Variants in POLR1A observed in about 807,000 individuals in gnomAD.
The protein encoded by POLR1A is RNA polymerase I subunit A.
Under a neutral mutation model 205.3 loss-of-function variants are expected in POLR1A, and 84 were observed. The ratio of observed to expected loss-of-function variants is 0.41; its 90% CI spans 0.34 to 0.49. The LOEUF is 0.49. Among genes scored for constraint, POLR1A ranks in the 20% least tolerant of loss-of-function variants. POLR1A has a pLI of 0.22. For synonymous variants in POLR1A, 799 were observed against 863.7 expected (o/e 0.93, Z 1.31); for missense variants, 1,645 against 2,204.5 (o/e 0.75, Z 5.08).
In POLR1A at chr2:86,105,769, A is replaced by G; in HGVS notation, c.8T>C (p.Ile3Thr). The change falls in exon 1 of 34, where the codon ATC (isoleucine) becomes ACC (threonine). Residue 3 changes from isoleucine to threonine, a missense_variant. This residue lies in a region of POLR1A where 330 missense variants were observed against 375.6 expected (regional missense o/e 0.88). Transcript: ENST00000263857. ...CCGCCGCCAGGGCATGTTCTTGGAG[A>G]TCAACATCCTCCAGGTCCGTTTTGA... Reference protein sequence around the residue: MLISKNMPWRRLQ... With the variant: MLTSKNMPWRRLQ... 1.2e-6 allele frequency: 2 copies of G among 1,613,730 alleles called. No homozygotes were observed. Among genetic ancestry groups the G allele is most frequent in the South Asian group, 1.1e-5 (1 of 91,074 alleles).
intron 14 of POLR1A, among the ~76,000 whole-genome samples, chr2:86,058,420 T>A (rs1274394992): frequency 7.4e-6 from 1 of 134,750 alleles, no homozygotes; most frequent in Non-Finnish European, 1.5e-5. Context: ...TTTTTTTTTT[T>A]AAATAGAGAT....
intron 1 of POLR1A, among the ~76,000 whole-genome samples, chr2:86,101,383 T>G (rs1673819361): frequency 6.6e-6 from 1 of 152,194 alleles, no homozygotes; most frequent in Non-Finnish European, 1.5e-5. Context: ...GGAACTAAGC[T>G]GCTCAGCTCT....
chr2:86,041,370 C>T (rs1371217342), intron 24 of POLR1A, among the ~76,000 whole-genome samples: 1 of 104,222 alleles, frequency 9.6e-6, no homozygotes, highest in Non-Finnish European at 2.1e-5. Context: ...TGTGTGCGCG[C>T]GCGCGCTGAG....
chr2:86,068,868 T>C (rs1673129202), intron 13 of POLR1A, among the ~76,000 whole-genome samples: 1 of 152,300 alleles, frequency 6.6e-6, no homozygotes, highest in South Asian at 2.1e-4. Context: ...AGACGGCTGA[T>C]GGGAATAGAG....
chr2:86,083,800 TACTG>T (rs1351648853), intron 6 of POLR1A, among the ~76,000 whole-genome samples: 1 of 152,210 alleles, frequency 6.6e-6, no homozygotes, highest in African/African-American at 2.4e-5. Context: ...GGTAAATATA[TACTG>T]ACTTCTTTTT....
At chr2:86,029,624 T>C (rs1573799717) in intron 31 of POLR1A, among the ~76,000 whole-genome samples, 1 of 137,012 alleles carries the variant, frequency 7.3e-6, no homozygotes, top group South Asian at 2.3e-4. Context: ...TGAGATGGAG[T>C]CTCACTCTGT....
At chr2:86,044,750 C>G (rs1672680924) in intron 21 of POLR1A, among the ~76,000 whole-genome samples, 1 of 152,226 alleles carries the variant, frequency 6.6e-6, no homozygotes, top group African/African-American at 2.4e-5. Flanking sequence ...GTATTGGGAA[C>G]CACATGCTGA....
At position 86,022,511 on chromosome 2, in the gene POLR1A, A is replaced by C. The variant is rs1573795013; in HGVS notation, c.*4912T>G. 6.6e-6 allele frequency: 1 copy of C among 152,100 alleles called. No homozygotes were observed. The highest frequency in any genetic ancestry group is 1.5e-5 in the Non-Finnish European group (1 of 68,022). 9.4% of individuals were successfully genotyped at this position (152,100 alleles called of 1,614,324 possible). A position where few individuals can be genotyped will look rare whatever the true frequency, so the allele number is the denominator to read the frequency against. On this transcript the variant is annotated 3_prime_UTR_variant, in exon 34 of 34. Transcript: ENST00000263857. The stretch of plus-strand genomic sequence containing the variant: ...TGTCCGTGGCTCTCAATTCCGCTGC[A>C]CCTTAGACTCTCTTGAAGATTTTCT...
intron 1 of POLR1A, among the ~76,000 whole-genome samples, chr2:86,100,761 G>A (rs1040212746): frequency 3.9e-5 from 6 of 151,988 alleles, no homozygotes; most frequent in African/African-American, 1.4e-4. Context: ...GGCTGGTCTT[G>A]AACTCCTGAG....
At chr2:86,045,104 C>T (rs1045986924) in intron 21 of POLR1A, among the ~76,000 whole-genome samples, 174 bp downstream of exon 21, 1 of 152,214 alleles carries the variant, frequency 6.6e-6, no homozygotes, top group Non-Finnish European at 1.5e-5. Flanking sequence ...CATGCTCTAC[C>T]GATCCTGCGA....
chr2:86,041,148 ACT>A, intron 24 of POLR1A, among the ~76,000 whole-genome samples: 1 of 133,274 alleles, frequency 7.5e-6, no homozygotes, highest in Non-Finnish European at 1.6e-5. Context: ...GCTGAGCTAC[ACT>A]GTGTGTGTGT....
In POLR1A at chr2:86,028,694, G is replaced by A. The variant is rs1289412486; in HGVS notation, c.4797C>T (p.Arg1599=). The change falls in exon 32 of 34, where the codon CGC becomes CGT. Residue 1599 remains arginine, a synonymous_variant. Coordinates refer to ENST00000263857, the MANE Select transcript of POLR1A (RefSeq NM_015425.6). The surrounding 1 kb of genome is among the most constrained non-coding windows in gnomAD (Gnocchi z 4.5). ...FKYAEVLDLR[R]LYSNDIHAIA... is the part of the protein sequence containing the mutation. ...TGGCGTGGATGTCGTTGGAGTAGAG[G>A]CGGCGCAGATCCAGGACCTGGAGAG... 2.5e-6 allele frequency: 4 copies of A among 1,614,006 alleles called. No individual in the cohort carries two copies. The South Asian group carries it at 3.3e-5, about 13-fold the overall frequency.
At chr2:86,080,276 A>C (rs1673375726) in intron 9 of POLR1A, among the ~76,000 whole-genome samples, 1 of 152,170 alleles carries the variant, frequency 6.6e-6, no homozygotes, top group Non-Finnish European at 1.5e-5. Flanking sequence ...AACCCGGCAC[A>C]CAGATGGGGC....
chr2:86,099,104 G>C (rs572554644), intron 2 of POLR1A, among the ~76,000 whole-genome samples: 1 of 152,290 alleles, frequency 6.6e-6, no homozygotes, highest in Admixed American at 6.5e-5. Context: ...GGGAGGCCAA[G>C]GTGGGCAGAT....
rs576005130 is a variant in POLR1A, at chr2:86,048,439, G to C, written c.2634+445C>G. On this transcript the variant is annotated intron_variant, in intron 18 of 33. Coordinates refer to ENST00000263857, the MANE Select transcript of POLR1A (RefSeq NM_015425.6). ...CCCCACTTCCAGGTGAGGAAACCAAGGCAGGGACTGGTTATCTCACTTGCC... is the reference window on the plus strand; with the variant it reads ...CCCCACTTCCAGGTGAGGAAACCAACGCAGGGACTGGTTATCTCACTTGCC... Among the ~76,000 whole-genome samples, 38 of 152,286 alleles carry C rather than the reference G, an allele frequency of 2.5e-4. 1 individual carries two copies. Among genetic ancestry groups the C allele is most frequent in the African/African-American group, 9.1e-4 (38 of 41,568 alleles).
Position 86,033,645 on chromosome 2 carries a change from C to T in POLR1A, c.4161+16G>A, listed in dbSNP as rs776842154. The T allele has an allele frequency of 1.2e-6, 2 of 1,612,024 alleles. No individual in the cohort carries two copies. Among genetic ancestry groups the T allele is most frequent in the South Asian group, 2.2e-5 (2 of 90,962 alleles). Reference sequence around the variant, plus strand: ...TGTCCCTGTGCAACTCTAGTGACCCCCGGGGACTCACTCACCCGACTCCTC... The same window carrying T: ...TGTCCCTGTGCAACTCTAGTGACCCTCGGGGACTCACTCACCCGACTCCTC... On this transcript the variant is annotated intron_variant, in intron 28 of 33. Coordinates refer to ENST00000263857, the MANE Select transcript of POLR1A (RefSeq NM_015425.6).
At chr2:86,061,111 CA>C (rs1370570773) in intron 14 of POLR1A, among the ~76,000 whole-genome samples, 2 of 152,138 alleles carry the variant, frequency 1.3e-5, no homozygotes, top group East Asian at 3.9e-4. Flanking sequence ...ACTACATACT[CA>C]CCTGAACAGC....
At chr2:86,093,555 T>G (rs1573835177) in intron 3 of POLR1A, among the ~76,000 whole-genome samples, 1 of 151,954 alleles carries the variant, frequency 6.6e-6, no homozygotes, top group African/African-American at 2.4e-5. Context: ...AGGCTGGGAG[T>G]GATGGCTCAT....
intron 7 of POLR1A, among the ~76,000 whole-genome samples, chr2:86,082,540 G>GT (rs1463099009): frequency 9.8e-6 from 1 of 102,412 alleles, no homozygotes; most frequent in African/African-American, 3.4e-5. Flanking sequence ...TAACTCCAGT[G>GT]CTTTTTTTTT....
Sources: gnomAD v4.1 joint callset for allele counts (sites outside exome capture counted in the v4.1 genomes callset) on GRCh38, gnomAD v4.1.1 for gene constraint, gnomAD v4.1.1 regional missense constraint, Gnocchi (gnomAD v3.1) non-coding constraint, MANE v1.5 for transcripts, NCBI Gene and HGNC (gene_info 2026-07-23, HGNC 2026-07-21) for gene names.